RSL1D1: variants seen among roughly 807,000 people sequenced by gnomAD.
RSL1D1 encodes the protein ribosomal L1 domain containing 1, also known as ribosomal L1 domain-containing protein 1.
Under a neutral mutation model 44.6 loss-of-function variants are expected in RSL1D1, and 34 were observed. That is an observed-to-expected ratio of 0.76 (90% CI 0.58 to 1.02). The LOEUF is 1.02. Among genes scored for constraint, RSL1D1 ranks in the 50% least tolerant of loss-of-function variants. RSL1D1 has a pLI of 0.00. For synonymous variants in RSL1D1, 271 were observed against 207.4 expected (o/e 1.31, Z -2.63); for missense variants, 767 against 568.1 (o/e 1.35, Z -3.56).
rs1018311228 is a variant in RSL1D1 at position 11,835,198 on chromosome 16, CT to C, written c.*2588del. 3 of 150,678 alleles carry C rather than the reference CT, an allele frequency of 2.0e-5. No individual in the cohort carries two copies. The highest frequency in any genetic ancestry group is 3.0e-5 in the Non-Finnish European group (2 of 67,686). 9.3% of individuals were successfully genotyped at this position (150,678 alleles called of 1,614,324 possible). On this transcript the variant is annotated 3_prime_UTR_variant, in exon 9 of 9. Coordinates refer to ENST00000571133, the MANE Select transcript of RSL1D1 (RefSeq NM_015659.3). Reference sequence around the variant, plus strand: ...GAGAGCTAGATGTTTTTTTTTTTCTCTTTTTTTCAGTTTTGCTCTGCCGCCC... The same window carrying C: ...GAGAGCTAGATGTTTTTTTTTTTCTCTTTTTTCAGTTTTGCTCTGCCGCCC...
intron 2 of RSL1D1, 27 bp from the exon 3 acceptor site, chr16:11,847,833 G>C (rs1464504185): frequency 6.2e-7 from 1 of 1,607,808 alleles, no homozygotes; most frequent in Admixed American, 1.7e-5. Flanking sequence ...AAGAAACCGA[G>C]GAAAGCATTA....
intron 8 of RSL1D1, among the ~76,000 whole-genome samples, chr16:11,839,312 G>A (rs1209246819): frequency 2.7e-5 from 4 of 150,822 alleles, no homozygotes; most frequent in Non-Finnish European, 5.9e-5. Context: ...GTTGCAGTGA[G>A]CTGAGATCAT....
Position 11,836,367 on chromosome 16 carries a change from C to T in RSL1D1, c.*1420G>A, listed in dbSNP as rs1432680202. On this transcript the variant is annotated 3_prime_UTR_variant, in exon 9 of 9. Transcript: ENST00000571133. ...TGTAAGCCACTGCATCTAGCACCCACATTATCTTTGAAAGCAGTTGAGTCT... is the reference window on the plus strand; with the variant it reads ...TGTAAGCCACTGCATCTAGCACCCATATTATCTTTGAAAGCAGTTGAGTCT... The T allele has an allele frequency of 1.3e-5, 2 of 152,196 alleles. No individual in the cohort carries two copies. The highest frequency in any genetic ancestry group is 2.4e-5 in the African/African-American group (1 of 41,450). 9.4% of individuals were successfully genotyped at this position (152,196 alleles called of 1,614,324 possible).
At position 11,835,389 on chromosome 16, in the gene RSL1D1, C is replaced by G. The variant is rs1197903973; in HGVS notation, c.*2398G>C. ...TAGAGATGGGGTTTCACCATGTAAG[C>G]CAGGCTGGTCTCAGAACTCCTGGCC... On this transcript the variant is annotated 3_prime_UTR_variant, in exon 9 of 9. Transcript: ENST00000571133. 6.6e-6 allele frequency: 1 copy of G among 151,280 alleles called. No homozygotes were observed. The highest frequency in any genetic ancestry group is 1.5e-5 in the Non-Finnish European group (1 of 67,960). The allele number at this position is 151,280 out of a possible 1,614,324, so 9.4% of individuals were successfully genotyped here. A position where few individuals can be genotyped will look rare whatever the true frequency, so the allele number is the denominator to read the frequency against.
rs927090935 is a variant in RSL1D1 at position 11,833,953 on chromosome 16, C to T, written c.*3834G>A. The T allele has an allele frequency of 6.6e-6, 1 of 152,130 alleles. No homozygotes were observed. The highest frequency in any genetic ancestry group is 1.5e-5 in the Non-Finnish European group (1 of 68,022). 9.4% of individuals were successfully genotyped at this position (152,130 alleles called of 1,614,324 possible). ...AAAAACGTTACACTCAAATTTCTCC[C>T]ATCAGATCTCATTTGGTTCATTAAA... On this transcript the variant is annotated 3_prime_UTR_variant, in exon 9 of 9. Coordinates refer to ENST00000571133, the MANE Select transcript of RSL1D1 (RefSeq NM_015659.3).
In RSL1D1 at chr16:11,837,785, C is replaced by G. The variant is rs748671990; in HGVS notation, c.*2G>C. ...GGTTTCCTTCCAGTTGAATCACTGA[C>G]TTTAGGTCGACTGGGGTACTTTGGG... On this transcript the variant is annotated 3_prime_UTR_variant, in exon 9 of 9. Coordinates refer to ENST00000571133, the MANE Select transcript of RSL1D1 (RefSeq NM_015659.3). 5.0e-6 allele frequency: 8 copies of G among 1,601,754 alleles called. No individual in the cohort carries two copies. The South Asian group carries it at 8.9e-5, about 18-fold the overall frequency.
chr16:11,838,815 C>T (rs890016396), intron 8 of RSL1D1, among the ~76,000 whole-genome samples: 1 of 148,492 alleles, frequency 6.7e-6, no homozygotes, highest in Non-Finnish European at 1.5e-5. Context: ...CGAGATCATG[C>T]CACTGCACTC....
chr16:11,843,851 A>G (rs2053780652), intron 5 of RSL1D1, among the ~76,000 whole-genome samples: 1 of 135,350 alleles, frequency 7.4e-6, no homozygotes, highest in Non-Finnish European at 1.6e-5. Flanking sequence ...AGCCTGGGCG[A>G]CAGAGCAAGA....
rs2053702050 is a variant in RSL1D1 at position 11,834,202 on chromosome 16, G to A, written c.*3585C>T. 6.6e-6 allele frequency: 1 copy of A among 152,154 alleles called. No homozygotes were observed. Among genetic ancestry groups the A allele is most frequent in the Admixed American group, 6.6e-5 (1 of 15,256 alleles). The allele number at this position is 152,154 out of a possible 1,614,324, so 9.4% of individuals were successfully genotyped here. On this transcript the variant is annotated 3_prime_UTR_variant, in exon 9 of 9. Transcript: ENST00000571133. ...ATAGTACAGAATGTACCCATTTTAG[G>A]ATGATTCAACTTTATGATTTTTCAA...
At chr16:11,843,989 T>A (rs762877412) in intron 5 of RSL1D1, among the ~76,000 whole-genome samples, 1 of 149,994 alleles carries the variant, frequency 6.7e-6, no homozygotes, top group Non-Finnish European at 1.5e-5. Context: ...AGAAGCCCAG[T>A]GGGAAGCCTG....
At chr16:11,839,647 G>A in intron 8 of RSL1D1, 48 bp downstream of exon 8, 2 of 1,598,864 alleles carry the variant, frequency 1.3e-6, no homozygotes, top group Admixed American at 1.7e-5. Context: ...GCCTGACACA[G>A]TAGCCACTGA....
Position 11,846,620 on chromosome 16 carries a change from A to G in RSL1D1, c.534-18T>C. 2 of 1,605,364 alleles carry G rather than the reference A, an allele frequency of 1.2e-6. No homozygotes were observed. The highest frequency in any genetic ancestry group is 1.7e-6 in the Non-Finnish European group (2 of 1,172,726). On this transcript the variant is annotated intron_variant, in intron 4 of 8. Transcript: ENST00000571133. ...CTGGAACTCTACAAAATAAACACAC[A>G]GGCATTCAGAACACAATGCATACAC...
At chr16:11,847,152 G>A (rs1388143146) in intron 3 of RSL1D1, among the ~76,000 whole-genome samples, 1 of 151,906 alleles carries the variant, frequency 6.6e-6, no homozygotes, top group Non-Finnish European at 1.5e-5. Context: ...GAGGTGGGTG[G>A]ATCACCTGAG....
Position 11,846,576 on chromosome 16 carries a change from G to C in RSL1D1, c.560C>G (p.Ser187Cys). Residue 187 changes from serine (S) to cysteine (C), a missense_variant, in exon 5 of 9, where the codon TCC becomes TGC. Coordinates refer to ENST00000571133, the MANE Select transcript of RSL1D1 (RefSeq NM_015659.3). ...KKVPVSVNLLSKNLSREINDC... is the reference protein window; with the variant it reads ...KKVPVSVNLLCKNLSREINDC... ...ATTGATCTCTCTTGATAAATTCTTG[G>C]ACAGAAGGTTTACAGATACTGGAAC... 1 of 1,609,384 alleles carries C rather than the reference G, an allele frequency of 6.2e-7. No individual in the cohort carries two copies. The highest frequency in any genetic ancestry group is 8.5e-7 in the Non-Finnish European group (1 of 1,177,378).
At chr16:11,848,218 A>G (rs572062480) in intron 2 of RSL1D1, among the ~76,000 whole-genome samples, 1 of 152,250 alleles carries the variant, frequency 6.6e-6, no homozygotes, top group African/African-American at 2.4e-5. Flanking sequence ...GCACCACTGG[A>G]CTCCAGCCTG....
At chr16:11,851,045 T>C (rs1044745090) in intron 1 of RSL1D1, 2 of 361,906 alleles carry the variant, frequency 5.5e-6, no homozygotes, top group Non-Finnish European at 1.1e-5. Flanking sequence ...TCATTACCTC[T>C]CCCGATCCTG....
At position 11,846,619 on chromosome 16, in the gene RSL1D1, C is replaced by T; in HGVS notation, c.534-17G>A. 6.2e-7 allele frequency: 1 copy of T among 1,602,548 alleles called. No individual in the cohort carries two copies. Among genetic ancestry groups the T allele is most frequent in the South Asian group, 1.1e-5 (1 of 90,686 alleles). ...ACTGGAACTCTACAAAATAAACACA[C>T]AGGCATTCAGAACACAATGCATACA... is the stretch of plus-strand genomic sequence containing the variant. On this transcript the variant is annotated splice_polypyrimidine_tract_variant and intron_variant, in intron 4 of 8. Coordinates refer to ENST00000571133, the MANE Select transcript of RSL1D1 (RefSeq NM_015659.3).
At chr16:11,841,236 T>G (rs182605284) in intron 7 of RSL1D1, among the ~76,000 whole-genome samples, 1 of 151,980 alleles carries the variant, frequency 6.6e-6, no homozygotes, top group Non-Finnish European at 1.5e-5. Context: ...AGGGCGACCA[T>G]GTGTGTACAA....
At position 11,841,774 on chromosome 16, in the gene RSL1D1, G is replaced by C. The variant is rs764594276; in HGVS notation, c.776C>G (p.Ala259Gly). 3 of 1,614,078 alleles carry C rather than the reference G, an allele frequency of 1.9e-6. No individual in the cohort carries two copies. Among genetic ancestry groups the C allele is most frequent in the Non-Finnish European group, 2.5e-6 (3 of 1,179,984 alleles). The change falls in exon 7 of 9, where the codon GCT (alanine) becomes GGT (glycine). Residue 259 changes from alanine (A) to glycine (G), a missense_variant. By Grantham distance (60) the Ala-to-Gly change is moderately conservative. Transcript: ENST00000571133. ...KLLFVKTEKS[A>G]ALPIFSSFVS... The stretch of plus-strand genomic sequence containing the variant: ...AAACGAGGAAAAGATGGGAAGTGCA[G>C]CCGATTTCTCAGTTTTCACAAACAG...
Sources: gnomAD v4.1 joint callset for allele counts (sites outside exome capture counted in the v4.1 genomes callset) on GRCh38, gnomAD v4.1.1 for gene constraint, MANE v1.5 for transcripts, NCBI Gene and HGNC (gene_info 2026-07-23, HGNC 2026-07-21) for gene names.